Variants in CACNA1C observed in about 807,000 individuals in gnomAD.
CACNA1C encodes the protein calcium voltage-gated channel subunit alpha1 C.
A neutral mutation model predicts 229.0 loss-of-function variants in CACNA1C; 30 were observed. The observed-to-expected ratio is 0.13, with a 90% CI of 0.10 to 0.18. The LOEUF (loss-of-function observed/expected upper bound fraction) is 0.18, where lower values mean the gene tolerates loss of function less well. Among genes scored for constraint, CACNA1C ranks in the 10% least tolerant of loss-of-function variants. CACNA1C has a pLI of 1.00. For synonymous variants in CACNA1C, 1,114 were observed against 1,132.5 expected, an observed-to-expected ratio of 0.98 and a Z score of 0.33; for missense variants, 1,658 against 2,845.0, an observed-to-expected ratio of 0.58 and a Z score of 9.49.
chr12:2,672,348 G>A (rs1284554135), intron 38 of CACNA1C: 1 of 152,120 alleles, frequency 6.6e-6, no homozygotes, highest in Non-Finnish European at 1.5e-5. Context: ...ATAAATTAAG[G>A]CTGATAAAAA....
At position 2,646,768 on chromosome 12, in the gene CACNA1C, A is replaced by AAGAGAGAGAG. The variant is rs59068153; in HGVS notation, c.3913-1694_3913-1685dup. On this transcript the variant is annotated intron_variant, in intron 30 of 46. Coordinates refer to ENST00000399655, the MANE Select transcript of CACNA1C (RefSeq NM_000719.7). The surrounding 1 kb of genome is among the most constrained non-coding windows in gnomAD (Gnocchi z 4.6). Reference sequence around the variant, plus strand: ...TGCCTGTATGAGAGAGAGAGAGAGAAAGAGAGAGAGAGAGAGAGAGAGTGT... The same window carrying AAGAGAGAGAG: ...TGCCTGTATGAGAGAGAGAGAGAGAAAGAGAGAGAGAGAGAGAGAGAGAGAGAGAGAGTGT... 1.3e-4 allele frequency among the ~76,000 whole-genome samples: 19 copies of AAGAGAGAGAG among 146,600 alleles called. No individual in the cohort carries two copies. The East Asian group carries it at 1.6e-3, about 12-fold the overall frequency.
chr12:2,162,156 C>G (rs1378821059), intron 3 of CACNA1C, among the ~76,000 whole-genome samples: 1 of 152,130 alleles, frequency 6.6e-6, no homozygotes, highest in Non-Finnish European at 1.5e-5. Context: ...GTCTACCCTT[C>G]CAGGGCCTCT....
intron 3 of CACNA1C, among the ~76,000 whole-genome samples, chr12:2,415,405 G>T (rs1333268991): frequency 6.6e-6 from 1 of 152,118 alleles, no homozygotes; most frequent in Non-Finnish European, 1.5e-5. Flanking sequence ...CAGCGCCCCT[G>T]TAGTGCCCCA....
At chr12:2,300,344 G>A (rs180731771) in intron 3 of CACNA1C, among the ~76,000 whole-genome samples, 74 of 152,122 alleles carry the variant, frequency 4.9e-4, no homozygotes, top group Admixed American at 3.9e-3. Flanking sequence ...GGCCGGGCAC[G>A]GCGGGCGGCT....
chr12:2,409,082 C>T (rs766967278), intron 3 of CACNA1C, among the ~76,000 whole-genome samples: 3 of 152,174 alleles, frequency 2.0e-5, no homozygotes, highest in East Asian at 3.9e-4. Flanking sequence ...GTCTTCAGCT[C>T]GTGGCTCTGT....
chr12:2,592,906 T>C (rs1032987347), intron 18 of CACNA1C, among the ~76,000 whole-genome samples: 1 of 151,942 alleles, frequency 6.6e-6, no homozygotes, highest in Admixed American at 6.6e-5. Flanking sequence ...ACCTTACAAC[T>C]AGGATGACCA....
intron 3 of CACNA1C, among the ~76,000 whole-genome samples, chr12:2,362,731 C>T (rs532523143): frequency 1.2e-4 from 19 of 152,196 alleles, no homozygotes; most frequent in Non-Finnish European, 2.4e-4. Flanking sequence ...ATCAGGCCTA[C>T]AGCCCTCTCT....
rs2096711379 is a variant in CACNA1C, at chr12:2,674,581, CAAG to C, written c.4772_4774del (p.Lys1591del). 1.3e-6 allele frequency: 2 copies of C among 1,575,342 alleles called. No individual in the cohort carries two copies. Among genetic ancestry groups the C allele is most frequent in the Non-Finnish European group, 1.7e-6 (2 of 1,159,826 alleles). On this transcript the variant is annotated inframe_deletion, in exon 39 of 47. Transcript: ENST00000399655. ...CCAATGAGGAGCTGCGGGCGATCATCAAGAAGATCTGGAAGCGGACCAGCATGA... is the reference window on the plus strand; with the variant it reads ...CCAATGAGGAGCTGCGGGCGATCATCAAGATCTGGAAGCGGACCAGCATGA...
intron 3 of CACNA1C, among the ~76,000 whole-genome samples, chr12:2,405,909 A>G (rs2098732731): frequency 6.6e-6 from 1 of 152,236 alleles, no homozygotes; most frequent in African/African-American, 2.4e-5. Context: ...CTTTCTGCTT[A>G]GAGAACTTCC....
intron 1 of CACNA1C, among the ~76,000 whole-genome samples, chr12:2,093,560 C>T (rs114920705): frequency 0.01 from 1,533 of 152,334 alleles, 23 homozygotes; most frequent in African/African-American, 0.034. Context: ...CGTGTACCTG[C>T]GTGCATGTAC....
At chr12:2,340,045 G>T (rs544367004) in intron 3 of CACNA1C, among the ~76,000 whole-genome samples, 1 of 152,272 alleles carries the variant, frequency 6.6e-6, no homozygotes, top group African/African-American at 2.4e-5. Flanking sequence ...CATTAAATAT[G>T]AATCTGCAGT....
intron 3 of CACNA1C, among the ~76,000 whole-genome samples, chr12:2,127,770 C>G (rs553646510): frequency 2.8e-4 from 42 of 152,328 alleles, no homozygotes; most frequent in African/African-American, 9.4e-4. Flanking sequence ...GCCAGAGTTG[C>G]AGGCACTGAC....
At chr12:2,020,147 T>C (rs1202299575) in intron 1 of CACNA1C, 1 of 152,212 alleles carries the variant, frequency 6.6e-6, no homozygotes, top group Non-Finnish European at 1.5e-5. Context: ...CATTAACAAA[T>C]GCTCTTTGGT....
At position 2,346,638 on chromosome 12, in the gene CACNA1C, G is replaced by C. The variant is rs956321670; in HGVS notation, c.478-102338G>C. 6.6e-6 allele frequency among the ~76,000 whole-genome samples: 1 copy of C among 152,084 alleles called. No individual in the cohort carries two copies. Among genetic ancestry groups the C allele is most frequent in the Non-Finnish European group, 1.5e-5 (1 of 68,020 alleles). On this transcript the variant is annotated intron_variant, in intron 3 of 46. Transcript: ENST00000399655. This position sits in a 1 kb window ranked among gnomAD's most constrained non-coding sequence, Gnocchi z 4.4. Reference sequence around the variant, plus strand: ...CGTAGTCACTGCCCTTCCAAGCCTGGAGAATGACTGCATCGTCCACCGTGA... The same window carrying C: ...CGTAGTCACTGCCCTTCCAAGCCTGCAGAATGACTGCATCGTCCACCGTGA...
intron 13 of CACNA1C, among the ~76,000 whole-genome samples, chr12:2,581,264 C>T (rs534586325): frequency 1.8e-4 from 27 of 152,310 alleles, no homozygotes; most frequent in African/African-American, 6.3e-4. Context: ...CAACAATCTC[C>T]ATTTTTTTGA....
chr12:2,613,559 G>T (rs1023749146), intron 29 of CACNA1C: 1 of 152,224 alleles, frequency 6.6e-6, no homozygotes, highest in Non-Finnish European at 1.5e-5. Context: ...CATAGAGGAA[G>T]TCTCCTAAGG....
chr12:2,679,318 C>G lies in CACNA1C; in HGVS notation c.5092-126C>G. 1 of 672,436 alleles carries G rather than the reference C, an allele frequency of 1.5e-6. No homozygotes were observed. The highest frequency in any genetic ancestry group is 2.5e-6 in the Non-Finnish European group (1 of 404,994). 41.7% of individuals were successfully genotyped at this position (672,436 alleles called of 1,614,324 possible). A position where few individuals can be genotyped will look rare whatever the true frequency, so the allele number is the denominator to read the frequency against. On this transcript the variant is annotated intron_variant, in intron 41 of 46. Coordinates refer to ENST00000399655, the MANE Select transcript of CACNA1C (RefSeq NM_000719.7). The surrounding 1 kb of genome is among the most constrained non-coding windows in gnomAD (Gnocchi z 5.5). ...GCTCCTGGCTCCCAGCAGGGCTGTG[C>G]CTACCCGAAAGAAGGCAGCCCGCCT...
Position 2,567,627 on chromosome 12 carries a change from C to T in CACNA1C, c.1728C>T (p.Tyr576=), listed in dbSNP as rs1385473185. The part of the protein sequence containing the change: ...LFTAEMLLKM[Y]SLGLQAYFVS... ...CGGCAGAGATGCTCCTGAAGATGTA[C>T]AGCCTGGGCCTGCAGGCCTACTTCG... The change falls in exon 13 of 47, where the codon TAC becomes TAT. Residue 576 remains tyrosine (Y), a synonymous_variant. Coordinates refer to ENST00000399655, the MANE Select transcript of CACNA1C (RefSeq NM_000719.7). 6.2e-7 allele frequency: 1 copy of T among 1,611,138 alleles called. No individual in the cohort carries two copies. The highest frequency in any genetic ancestry group is 8.5e-7 in the Non-Finnish European group (1 of 1,178,684).
chr12:2,373,931 ATTCC>A (rs2097943773), intron 3 of CACNA1C, among the ~76,000 whole-genome samples: 1 of 152,094 alleles, frequency 6.6e-6, no homozygotes, highest in African/African-American at 2.4e-5. Flanking sequence ...GATATTCCGA[ATTCC>A]TTTTTCTTAG....
Sources: gnomAD v4.1 joint callset for allele counts (sites outside exome capture counted in the v4.1 genomes callset) on GRCh38, gnomAD v4.1.1 for gene constraint, Gnocchi (gnomAD v3.1) non-coding constraint, MANE v1.5 for transcripts, NCBI Gene and HGNC (gene_info 2026-07-23, HGNC 2026-07-21) for gene names.